Variants in PRELID2 observed in about 807,000 individuals in gnomAD.
PRELID2 encodes the protein PRELI domain-containing protein 2.
A neutral mutation model predicts 28.4 loss-of-function variants in PRELID2; 25 were observed. That is an observed-to-expected ratio of 0.88 (90% CI 0.64 to 1.23). The LOEUF (loss-of-function observed/expected upper bound fraction) is 1.23. Among genes scored for constraint, PRELID2 ranks in the 50% most tolerant of loss-of-function variants. The pLI, the probability that PRELID2 is intolerant of heterozygous loss-of-function variation, is 0.00. For missense variants in PRELID2, 201 were observed against 214.4 expected, an observed-to-expected ratio of 0.94 and a Z score of 0.39; for synonymous variants, 76 against 71.6, an observed-to-expected ratio of 1.06 and a Z score of -0.31.
intron 1 of PRELID2, among the ~76,000 whole-genome samples, chr5:145,509,312 C>G (rs1044207216): frequency 9.8e-5 from 15 of 152,320 alleles, no homozygotes; most frequent in African/African-American, 3.6e-4. Flanking sequence ...CTTAGTCCTA[C>G]AGTTTATAAG....
chr5:145,615,980 T>C (rs140003048), intron 1 of PRELID2, among the ~76,000 whole-genome samples: 1,770 of 152,252 alleles, frequency 0.012, 32 homozygotes, highest in African/African-American at 0.039. Context: ...AAAGACTGTA[T>C]CTTTCCTTCA....
At chr5:145,394,625 A>C in the PRELID2 span, among the ~76,000 whole-genome samples, 96,674 of 151,964 alleles carry the variant, frequency 0.64, 31,041 homozygotes, top group East Asian at 0.89. Flanking sequence ...CCAAATTATA[A>C]CTATAGTAAA....
At chr5:145,356,109 A>T in the PRELID2 span, among the ~76,000 whole-genome samples, 2 of 152,154 alleles carry the variant, frequency 1.3e-5, no homozygotes, top group African/African-American at 4.8e-5. Context: ...TCCCATCATT[A>T]CCTTATATTG....
At chr5:145,300,620 C>T in the PRELID2 span, among the ~76,000 whole-genome samples, 4 of 150,742 alleles carry the variant, frequency 2.7e-5, no homozygotes, top group Non-Finnish European at 3.0e-5. Context: ...TCCCACAATA[C>T]AAGCACAACA....
the PRELID2 span, among the ~76,000 whole-genome samples, chr5:145,406,773 G>A: frequency 1.3e-5 from 2 of 152,340 alleles, no homozygotes; most frequent in Non-Finnish European, 2.9e-5. Flanking sequence ...AGGGGGTAAA[G>A]TCTGCCTCTG....
At chr5:145,579,927 C>G (rs1753093536) in intron 1 of PRELID2, among the ~76,000 whole-genome samples, 1 of 152,024 alleles carries the variant, frequency 6.6e-6, no homozygotes, top group Admixed American at 6.6e-5. Context: ...AACTAGAAGA[C>G]AGCTCTGTAT....
At chr5:145,611,673 C>T (rs374139398) in intron 1 of PRELID2, among the ~76,000 whole-genome samples, 1 of 152,256 alleles carries the variant, frequency 6.6e-6, no homozygotes, top group African/African-American at 2.4e-5. Context: ...ATCAGATACA[C>T]AAAGACACAA....
chr5:145,265,704 G>A, the PRELID2 span, among the ~76,000 whole-genome samples: 82 of 152,122 alleles, frequency 5.4e-4, no homozygotes, highest in African/African-American at 1.9e-3. Context: ...AAAACATAAA[G>A]TGGTGAAAAG....
At chr5:145,742,124 TTAA>T in intron 1 of PRELID2, among the ~76,000 whole-genome samples, 1 of 5,380 alleles carries the variant, frequency 1.9e-4, no homozygotes, top group African/African-American at 3.1e-4. Flanking sequence ...ATAAAATTTA[TTAA>T]TTATAAATAA....
chr5:145,553,384 A>C (rs2126683574), intron 1 of PRELID2, among the ~76,000 whole-genome samples: 1 of 152,312 alleles, frequency 6.6e-6, no homozygotes, highest in African/African-American at 2.4e-5. Flanking sequence ...GCAGAGTAGC[A>C]AAGTGACTAA....
rs1328695707 is a variant in PRELID2, at chr5:145,600,451, A to ATATATATATATATATATATATATG, written n.71-127137_71-127136insCATATATATATATATATATATATA. On this transcript the variant is annotated intron_variant and non_coding_transcript_variant, in intron 1 of 2. Transcript: ENST00000510259. ...AAAAAAAAAATATATATATATATATATATGTATCTCACAGGTGTGATGGGG... is the reference window on the plus strand; with the variant it reads ...AAAAAAAAAATATATATATATATATATATATATATATATATATATATATGTATGTATCTCACAGGTGTGATGGGG... Among the ~76,000 whole-genome samples, 15 of 138,320 alleles carry ATATATATATATATATATATATATG rather than the reference A, an allele frequency of 1.1e-4. 1 individual carries two copies. The highest frequency in any genetic ancestry group is 3.7e-4 in the African/African-American group (12 of 32,378). 90.7% of individuals were successfully genotyped at this position (138,320 alleles called of 152,430 possible). A position where few individuals can be genotyped will look rare whatever the true frequency, so the allele number is the denominator to read the frequency against.
At chr5:145,678,405 A>G (rs1055988901) in intron 1 of PRELID2, among the ~76,000 whole-genome samples, 1 of 152,080 alleles carries the variant, frequency 6.6e-6, no homozygotes, top group Non-Finnish European at 1.5e-5. Context: ...ACTTCCTTAT[A>G]TTTGTTTGCA....
At chr5:145,462,442 G>A in the PRELID2 span, among the ~76,000 whole-genome samples, 3 of 152,190 alleles carry the variant, frequency 2.0e-5, no homozygotes, top group African/African-American at 4.8e-5. Context: ...ATTGAAATGT[G>A]TCTTAAATCA....
chr5:145,549,724 G>A (rs1266241251), intron 1 of PRELID2, among the ~76,000 whole-genome samples: 1 of 151,990 alleles, frequency 6.6e-6, no homozygotes, highest in African/African-American at 2.4e-5. Context: ...GAACCCAGGA[G>A]GCAGAGCTTC....
chr5:145,327,070 T>TA, the PRELID2 span, among the ~76,000 whole-genome samples: 119 of 152,120 alleles, frequency 7.8e-4, 1 homozygote, highest in African/African-American at 2.8e-3. Flanking sequence ...CCTAAAATCG[T>TA]AAAAATCACA....
the PRELID2 span, among the ~76,000 whole-genome samples, chr5:145,424,471 A>C: frequency 6.6e-6 from 1 of 152,206 alleles, no homozygotes; most frequent in Non-Finnish European, 1.5e-5. Context: ...GGAAAAGCGC[A>C]GTATTCGGGT....
the PRELID2 span, among the ~76,000 whole-genome samples, chr5:145,458,551 G>A: frequency 6.6e-6 from 1 of 152,130 alleles, no homozygotes; most frequent in Non-Finnish European, 1.5e-5. Flanking sequence ...TGGGTGCTGA[G>A]GAAGGGAGGC....
chr5:145,318,967 C>G, the PRELID2 span, among the ~76,000 whole-genome samples: 1 of 152,122 alleles, frequency 6.6e-6, no homozygotes, highest in Non-Finnish European at 1.5e-5. Flanking sequence ...TGATCTTCCC[C>G]TGGAGTTTGG....
At chr5:145,740,265 AATATATATATATATAT>A (rs70998029) in intron 1 of PRELID2, among the ~76,000 whole-genome samples, 466 of 40,630 alleles carry the variant, frequency 0.011, 11 homozygotes, top group East Asian at 0.049. Context: ...GGATTTATCA[AATATATATATATATAT>A]ATATATATAT....
Sources: allele counts gnomAD v4.1 joint callset (sites outside exome capture counted in the v4.1 genomes callset), GRCh38; gene constraint gnomAD v4.1.1; transcripts MANE v1.5; gene names NCBI Gene and HGNC (gene_info 2026-07-23, HGNC 2026-07-21).